Variants in MACROD2 observed in about 807,000 individuals in gnomAD.
MACROD2 encodes the protein mono-ADP ribosylhydrolase 2.
In MACROD2, 36 loss-of-function variants were observed where a neutral mutation model predicts 70.4. The ratio of observed to expected loss-of-function variants is 0.51; its 90% CI spans 0.39 to 0.68. MACROD2 has a LOEUF of 0.68. Ranked by LOEUF, MACROD2 falls within the 30% of genes least tolerant of loss-of-function variation. The probability of loss-of-function intolerance (pLI) is 0.00; values close to 1 mark genes in which losing one functional copy is unlikely to be tolerated. For missense variants in MACROD2, 496 were observed against 538.4 expected (o/e 0.92, Z 0.78); for synonymous variants, 172 against 178.8 (o/e 0.96, Z 0.30).
intron 15 of MACROD2, among the ~76,000 whole-genome samples, chr20:16,002,357 C>T (rs1001298813): frequency 2.6e-5 from 4 of 152,092 alleles, no homozygotes; most frequent in Non-Finnish European, 5.9e-5. Context: ...TGTTACATTA[C>T]ACAGGAAAAG....
At chr20:14,014,970 T>A (rs1440988233) in intron 2 of MACROD2, among the ~76,000 whole-genome samples, 5 of 98,444 alleles carry the variant, frequency 5.1e-5, no homozygotes, top group Admixed American at 4.7e-4. Flanking sequence ...CCAGCAAATT[T>A]TTTTTTTTTT....
intron 3 of MACROD2, among the ~76,000 whole-genome samples, chr20:14,155,625 C>T (rs191193675): frequency 1.3e-3 from 196 of 152,178 alleles, no homozygotes; most frequent in African/African-American, 4.5e-3. Context: ...AAATGTGTTC[C>T]TGGCTTTTTT....
At chr20:15,945,423 A>C (rs1175478573) in intron 12 of MACROD2, among the ~76,000 whole-genome samples, 1 of 152,194 alleles carries the variant, frequency 6.6e-6, no homozygotes, top group Non-Finnish European at 1.5e-5. Context: ...TTCTCCTATG[A>C]TAAACAAGCA....
At chr20:15,628,995 T>C (rs767858444) in intron 8 of MACROD2, among the ~76,000 whole-genome samples, 67 of 152,382 alleles carry the variant, frequency 4.4e-4, no homozygotes, top group Admixed American at 1.0e-3. Flanking sequence ...TACTACATTT[T>C]AATTATTCAT....
At chr20:14,808,628 A>T (rs1249924275) in intron 5 of MACROD2, among the ~76,000 whole-genome samples, 1 of 152,110 alleles carries the variant, frequency 6.6e-6, no homozygotes, top group East Asian at 1.9e-4. Context: ...CAATTAAAAG[A>T]TATAAACTAG....
intron 5 of MACROD2, among the ~76,000 whole-genome samples, chr20:14,915,883 G>A (rs1261018170): frequency 6.6e-6 from 1 of 152,140 alleles, no homozygotes; most frequent in East Asian, 1.9e-4. Flanking sequence ...GTGTGCATCT[G>A]ATGGAGGTTT....
chr20:15,775,738 A>G (rs2051710788), intron 8 of MACROD2, among the ~76,000 whole-genome samples: 1 of 152,150 alleles, frequency 6.6e-6, no homozygotes, highest in South Asian at 2.1e-4. Context: ...TCATCTCAGG[A>G]TATCCTGAAG....
chr20:15,293,133 T>C (rs770000468), intron 6 of MACROD2, among the ~76,000 whole-genome samples: 1 of 152,232 alleles, frequency 6.6e-6, no homozygotes, highest in Non-Finnish European at 1.5e-5. Context: ...GCCAAAATTC[T>C]ACCTTTAAGG....
At chr20:15,222,643 G>A (rs578090880) in intron 5 of MACROD2, among the ~76,000 whole-genome samples, 11 of 152,174 alleles carry the variant, frequency 7.2e-5, no homozygotes, top group African/African-American at 1.9e-4. Context: ...TAGAAGGACC[G>A]ATTATGCTTA....
chr20:14,893,932 G>C (rs893351985), intron 5 of MACROD2: 4 of 151,804 alleles, frequency 2.6e-5, no homozygotes, highest in Non-Finnish European at 4.4e-5. Flanking sequence ...CCACAGGCTT[G>C]TACCACCATT....
intron 3 of MACROD2, among the ~76,000 whole-genome samples, chr20:14,438,087 G>T (rs569853179): frequency 6.6e-6 from 1 of 151,886 alleles, no homozygotes; most frequent in African/African-American, 2.4e-5. Flanking sequence ...ACTTTGACTT[G>T]CATCTTCCTA....
intron 5 of MACROD2, among the ~76,000 whole-genome samples, chr20:14,961,880 A>G (rs2074586500): frequency 6.6e-6 from 1 of 152,202 alleles, no homozygotes; most frequent in African/African-American, 2.4e-5. Context: ...ATCTTAGAAA[A>G]CCATATGACA....
chr20:14,867,775 G>A (rs562799235), intron 5 of MACROD2, among the ~76,000 whole-genome samples: 4 of 152,212 alleles, frequency 2.6e-5, no homozygotes, highest in African/African-American at 9.6e-5. Flanking sequence ...ACTTTGGGAG[G>A]TCCTGGATTG....
At chr20:14,098,992 G>A (rs1024721192) in intron 3 of MACROD2, among the ~76,000 whole-genome samples, 1 of 152,056 alleles carries the variant, frequency 6.6e-6, no homozygotes, top group African/African-American at 2.4e-5. Flanking sequence ...TAAAAAAGCA[G>A]AACGTGGCTG....
intron 6 of MACROD2, among the ~76,000 whole-genome samples, chr20:15,419,667 G>A (rs2046201781): frequency 6.6e-6 from 1 of 152,180 alleles, no homozygotes; most frequent in Non-Finnish European, 1.5e-5. Context: ...TACTTCTCAG[G>A]GGATTTGAAA....
At chr20:16,022,804 CTATAT>C (rs1215138712) in intron 15 of MACROD2, among the ~76,000 whole-genome samples, 4 of 152,286 alleles carry the variant, frequency 2.6e-5, no homozygotes, top group Non-Finnish European at 4.4e-5. Flanking sequence ...GATTTCAGAG[CTATAT>C]TATAAGACCT....
chr20:15,585,210 T>C (rs2048581453), intron 8 of MACROD2, among the ~76,000 whole-genome samples: 1 of 151,328 alleles, frequency 6.6e-6, no homozygotes, highest in East Asian at 1.9e-4. Flanking sequence ...TTCTTTTTTT[T>C]TTTTTTAGAT....
In MACROD2 at chr20:15,862,767, T is replaced by C. The variant is rs2064441972; in HGVS notation, c.668T>C (p.Val223Ala). 1 of 1,612,862 alleles carries C rather than the reference T, an allele frequency of 6.2e-7. No individual in the cohort carries two copies. Among genetic ancestry groups the C allele is most frequent in the African/African-American group, 1.3e-5 (1 of 74,798 alleles). The stretch of plus-strand genomic sequence containing the variant: ...TAGGTGGATCGGATCATTTTCTGTG[T>C]CTTCTTAGAAGTTGACTTCAAAATC... ...HHEVDRIIFC[V>A]FLEVDFKIYK... Residue 223 changes from valine (V) to alanine (A), a missense_variant, in exon 9 of 18, where the codon GTC becomes GCC. Transcript: ENST00000684519.
At chr20:15,790,822 G>T (rs2063618216) in intron 8 of MACROD2, among the ~76,000 whole-genome samples, 1 of 151,808 alleles carries the variant, frequency 6.6e-6, no homozygotes, top group Admixed American at 6.6e-5. Flanking sequence ...AGTTAATATA[G>T]AAAAGTACCA....
Sources: allele counts gnomAD v4.1 joint callset (sites outside exome capture counted in the v4.1 genomes callset), GRCh38; gene constraint gnomAD v4.1.1; transcripts MANE v1.5; gene names NCBI Gene and HGNC (gene_info 2026-07-23, HGNC 2026-07-21).